The following KLHDC4 variants were observed in gnomAD, a reference collection of about 807,000 sequenced individuals.
KLHDC4 encodes kelch domain-containing protein 4.
In KLHDC4, 90 loss-of-function variants were observed where a neutral mutation model predicts 62.4. The ratio of observed to expected loss-of-function variants is 1.44; its 90% CI spans 1.22 to 1.72. KLHDC4 has a LOEUF of 1.72. Among genes scored for constraint, KLHDC4 ranks in the 40% most tolerant of loss-of-function variants. KLHDC4 has a pLI of 0.00. For missense variants in KLHDC4, 1,025 were observed against 699.7 expected, an observed-to-expected ratio of 1.47 and a Z score of -5.25; for synonymous variants, 386 against 284.4, an observed-to-expected ratio of 1.36 and a Z score of -3.59.
At chr16:87,738,415 C>A (rs953336643) in intron 5 of KLHDC4, among the ~76,000 whole-genome samples, 1 of 152,116 alleles carries the variant, frequency 6.6e-6, no homozygotes, top group Non-Finnish European at 1.5e-5. Context: ...TACCGATCAT[C>A]TCCCAAGTGC....
intron 4 of KLHDC4, among the ~76,000 whole-genome samples, chr16:87,753,152 A>G (rs1175788914): frequency 3.9e-5 from 6 of 152,150 alleles, no homozygotes; most frequent in African/African-American, 1.4e-4. Context: ...AGCACTGGAG[A>G]GAGGAAGCTA....
exon 1 of KLHDC4, chr16:87,699,278 T>G (rs2034032293): frequency 1.3e-5 from 2 of 152,418 alleles, no homozygotes; most frequent in Admixed American, 1.3e-4. Context: ...TTTCGGGAAC[T>G]GAAACAGTCT....
intron 5 of KLHDC4, among the ~76,000 whole-genome samples, chr16:87,744,821 G>A (rs903274422): frequency 2.1e-4 from 32 of 152,024 alleles, no homozygotes; most frequent in East Asian, 3.9e-4. Flanking sequence ...CAGTGTGCAC[G>A]CACCAGGTTC....
At chr16:87,698,179 A>G (rs1223637166) in exon 1 of KLHDC4, 1 of 152,458 alleles carries the variant, frequency 6.6e-6, no homozygotes, top group Non-Finnish European at 1.5e-5. Flanking sequence ...GTTTTCCGTT[A>G]CATGTTCACT....
chr16:87,756,815 G>GT (rs920382479), intron 2 of KLHDC4, among the ~76,000 whole-genome samples: 24 of 149,276 alleles, frequency 1.6e-4, no homozygotes, highest in East Asian at 7.8e-4. Context: ...TTTTTGATTT[G>GT]TTTTTTTTCA....
At chr16:87,765,039 T>A (rs2046427548) in intron 1 of KLHDC4, 1 of 440,574 alleles carries the variant, frequency 2.3e-6, no homozygotes, top group African/African-American at 2.0e-5. Context: ...TCCTGTCAAA[T>A]GGGAATACCA....
At chr16:87,749,638 C>T (rs1232765504) in intron 4 of KLHDC4, among the ~76,000 whole-genome samples, 3 of 151,826 alleles carry the variant, frequency 2.0e-5, no homozygotes, top group Non-Finnish European at 4.4e-5. Context: ...GACTGGAGTG[C>T]GGTGGCGCCA....
chr16:87,704,247 C>A (rs1365729305), downstream of KLHDC4, among the ~76,000 whole-genome samples: 1 of 151,972 alleles, frequency 6.6e-6, no homozygotes, highest in Non-Finnish European at 1.5e-5. Context: ...GTGGAGAGCC[C>A]TGGGGAGGGT....
chr16:87,762,097 A>G (rs1476471771), intron 1 of KLHDC4, 57 bp from the exon 2 acceptor site: 1 of 1,599,698 alleles, frequency 6.3e-7, no homozygotes, highest in Non-Finnish European at 8.5e-7. Flanking sequence ...CCGCGGAGCC[A>G]CAGCCCGCTC....
chr16:87,701,009 G>A (rs557901427), exon 1 of KLHDC4: 43 of 210,534 alleles, frequency 2.0e-4, no homozygotes, highest in African/African-American at 7.6e-4. Flanking sequence ...CTGTCCCCAG[G>A]TGCCAAGGAG....
intron 7 of KLHDC4, among the ~76,000 whole-genome samples, chr16:87,718,565 C>T (rs1435355683): frequency 2.0e-5 from 3 of 151,802 alleles, no homozygotes; most frequent in Admixed American, 6.6e-5. Context: ...GGCGTGATCT[C>T]GGCTCGCTAC....
At chr16:87,747,291 A>G (rs1032559425) in intron 5 of KLHDC4, among the ~76,000 whole-genome samples, 1 of 152,236 alleles carries the variant, frequency 6.6e-6, no homozygotes, top group African/African-American at 2.4e-5. Flanking sequence ...ATTGTGAACA[A>G]GAGATACCAA....
chr16:87,702,388 G>A (rs1317143024), exon 1 of KLHDC4: 3 of 410,950 alleles, frequency 7.3e-6, no homozygotes, highest in Non-Finnish European at 1.5e-5. Context: ...CTGCAGGGCA[G>A]TGCCTGGCCC....
chr16:87,746,232 T>C (rs1410995467), intron 5 of KLHDC4, among the ~76,000 whole-genome samples: 2 of 151,954 alleles, frequency 1.3e-5, no homozygotes, highest in Non-Finnish European at 2.9e-5. Flanking sequence ...ATCACACCAC[T>C]GTATTCCAGC....
At chr16:87,708,879 G>C (rs1397618633) in intron 10 of KLHDC4, among the ~76,000 whole-genome samples, 3 of 152,266 alleles carry the variant, frequency 2.0e-5, no homozygotes, top group East Asian at 1.9e-4. Flanking sequence ...TTGGGGTAAA[G>C]GGGACGTGTG....
At chr16:87,732,013 CT>C (rs376042028) in intron 5 of KLHDC4, among the ~76,000 whole-genome samples, 124 of 151,964 alleles carry the variant, frequency 8.2e-4, no homozygotes, top group African/African-American at 2.8e-3. Context: ...GGGGCAGGAG[CT>C]GGGAGGGGAC....
At chr16:87,700,925 C>T in exon 1 of KLHDC4, 1 of 254,878 alleles carries the variant, frequency 3.9e-6, no homozygotes, top group Non-Finnish European at 7.8e-6. Flanking sequence ...TCAACTCAGG[C>T]ACCTGGTTGG....
intron 7 of KLHDC4, among the ~76,000 whole-genome samples, chr16:87,715,657 G>C (rs1233677410): frequency 2.6e-5 from 4 of 152,144 alleles, no homozygotes; most frequent in Admixed American, 6.6e-5. Flanking sequence ...CATTAGACTG[G>C]GGTTATGAAT....
chr16:87,734,959 AATTGCCTGACGCCCCTCCCCCTCCTGACG>A (rs2041035424), intron 5 of KLHDC4, among the ~76,000 whole-genome samples: 3 of 52,662 alleles, frequency 5.7e-5, no homozygotes, highest in Non-Finnish European at 1.3e-4. Context: ...ACTCCTGACG[AATTGCCTGACGCCCCTCCCCCTCCTGACG>A]AATTGCCTGA....
Sources: allele counts gnomAD v4.1 joint callset (sites outside exome capture counted in the v4.1 genomes callset), GRCh38; gene constraint gnomAD v4.1.1; transcripts MANE v1.5; gene names NCBI Gene and HGNC (gene_info 2026-07-23, HGNC 2026-07-21).